PKHD1: variants seen among roughly 807,000 people sequenced by gnomAD.
PKHD1 encodes the protein PKHD1 ciliary IPT domain containing fibrocystin/polyductin.
A neutral mutation model predicts 412.0 loss-of-function variants in PKHD1; 291 were observed. That is an observed-to-expected ratio of 0.71 (90% CI 0.64 to 0.78). The LOEUF (loss-of-function observed/expected upper bound fraction) is 0.78. Among genes scored for constraint, PKHD1 ranks in the 30% least tolerant of loss-of-function variants. The pLI, the probability that PKHD1 is intolerant of heterozygous loss-of-function variation, is 0.00. For synonymous variants in PKHD1, 1,777 were observed against 1,821.5 expected (o/e 0.98, Z 0.62); for missense variants, 4,825 against 4,950.7 (o/e 0.97, Z 0.76).
At position 51,827,463 on chromosome 6, in the gene PKHD1, G is replaced by A. The variant is rs192620231; in HGVS notation, c.8302+3398C>T. 5.9e-4 allele frequency among the ~76,000 whole-genome samples: 89 copies of A among 152,124 alleles called. 1 individual carries two copies. Among genetic ancestry groups the A allele is most frequent in the African/African-American group, 2.0e-3 (83 of 41,512 alleles). On this transcript the variant is annotated intron_variant, in intron 52 of 66. Transcript: ENST00000371117. ...TTTACAGCTTGTCCAATGTCACACCGTTGTAAATGTCAGAAGCCAAATGTG... is the reference window on the plus strand; with the variant it reads ...TTTACAGCTTGTCCAATGTCACACCATTGTAAATGTCAGAAGCCAAATGTG...
In PKHD1 at chr6:52,050,210, AC is replaced by A; in HGVS notation, c.2225del (p.Ser742MetfsTer35). The part of the protein sequence containing the change: ...VSVVGSPPVY[S>X]VTSWLAGCGT... ...CACACCCCGCCAGCCAGGAGGTGAC[AC>A]TGTAGACCGGAGGGGATCCCACCAC... On this transcript the variant is annotated frameshift_variant, in exon 22 of 67. Transcript: ENST00000371117. LOFTEE classifies it high-confidence loss of function. 6.2e-7 allele frequency: 1 copy of A among 1,614,194 alleles called. No individual in the cohort carries two copies. Among genetic ancestry groups the A allele is most frequent in the Non-Finnish European group, 8.5e-7 (1 of 1,180,004 alleles).
chr6:52,065,133 T>TTATATATATATA (rs369093047), intron 12 of PKHD1, 83 bp from the exon 13 acceptor site: 17 of 132,294 alleles, frequency 1.3e-4, no homozygotes, highest in Non-Finnish European at 2.3e-4. Context: ...ATATGTATAA[T>TTATATATATATA]TATATATATA....
chr6:51,760,668 T>C (rs1787850131), intron 55 of PKHD1, among the ~76,000 whole-genome samples: 1 of 152,084 alleles, frequency 6.6e-6, no homozygotes, highest in South Asian at 2.1e-4. Flanking sequence ...AATGAGAATG[T>C]AGCAGATAGG....
At chr6:51,953,411 A>G (rs1790655949) in intron 36 of PKHD1, among the ~76,000 whole-genome samples, 1 of 152,070 alleles carries the variant, frequency 6.6e-6, no homozygotes, top group South Asian at 2.1e-4. Context: ...CAGAGGGTAA[A>G]ATGCCAAGTG....
intron 54 of PKHD1, among the ~76,000 whole-genome samples, chr6:51,774,785 C>CCTTGCT (rs1444252309): frequency 2.0e-5 from 3 of 151,664 alleles, no homozygotes. Flanking sequence ...AAATGATGGT[C>CCTTGCT]CTTGCTCTTT....
chr6:52,032,668 A>G (rs1803239128), intron 29 of PKHD1, among the ~76,000 whole-genome samples: 2 of 152,202 alleles, frequency 1.3e-5, no homozygotes, highest in South Asian at 4.1e-4. Flanking sequence ...CTGATCTGTA[A>G]ATTGAAGCTA....
chr6:51,743,917 G>A (rs529528757), intron 60 of PKHD1, among the ~76,000 whole-genome samples: 1 of 152,174 alleles, frequency 6.6e-6, no homozygotes, highest in African/African-American at 2.4e-5. Context: ...GCCTTGTTTG[G>A]GGGAGAGTTG....
chr6:51,989,897 G>GAAGGAAGGA (rs1296315116), intron 35 of PKHD1, among the ~76,000 whole-genome samples: 1 of 9,440 alleles, frequency 1.1e-4, no homozygotes, highest in Non-Finnish European at 2.2e-4. Context: ...AGGAAGGAAG[G>GAAGGAAGGA]AGGGAGGAAG....
chr6:52,056,740 G>T lies in PKHD1; in HGVS notation c.1651C>A (p.Pro551Thr), dbSNP rs889154402. ...CGGAGAAGGATGTTAGACCAAAGGG[G>T]TTCCAGTTTGCATTTTACTGCAAGT... ...ELLAVKCKLEPLWSNILLRLG... is the reference protein window; with the variant it reads ...ELLAVKCKLETLWSNILLRLG... The change falls in exon 18 of 67, where the codon CCC becomes ACC. Residue 551 changes from proline to threonine, a missense_variant. Pro to Thr is a conservative substitution (Grantham distance 38, BLOSUM62 -1). Transcript: ENST00000371117. 2 of 1,613,746 alleles carry T rather than the reference G, an allele frequency of 1.2e-6. No individual in the cohort carries two copies. The highest frequency in any genetic ancestry group is 1.3e-5 in the African/African-American group (1 of 74,908).
At chr6:51,688,756 T>C (rs1372797276) in intron 60 of PKHD1, among the ~76,000 whole-genome samples, 2 of 151,970 alleles carry the variant, frequency 1.3e-5, no homozygotes, top group African/African-American at 2.4e-5. Flanking sequence ...CTAGAAGAAA[T>C]GGATAAATTC....
rs1376701297 is a variant in PKHD1 at position 51,618,745 on chromosome 6, T to A, written c.*336A>T. On this transcript the variant is annotated 3_prime_UTR_variant, in exon 67 of 67. Coordinates refer to ENST00000371117, the MANE Select transcript of PKHD1 (RefSeq NM_138694.4). ...CATTGTGGGTGGTCAATCCAGAGAA[T>A]GCTTAATAATAACCCCTGCTGGTAT... is the stretch of plus-strand genomic sequence containing the variant. The A allele has an allele frequency of 5.4e-6, 2 of 369,872 alleles. No homozygotes were observed. The highest frequency in any genetic ancestry group is 1.4e-4 in the East Asian group (2 of 14,280). 22.9% of individuals were successfully genotyped at this position (369,872 alleles called of 1,614,324 possible).
chr6:51,669,313 T>G (rs943134044), intron 60 of PKHD1, among the ~76,000 whole-genome samples: 2 of 152,226 alleles, frequency 1.3e-5, no homozygotes, highest in South Asian at 2.1e-4. Context: ...ATTTCTTCTG[T>G]ATTTTCTAGT....
chr6:51,983,184 A>G (rs1795788088), intron 35 of PKHD1, among the ~76,000 whole-genome samples: 1 of 152,254 alleles, frequency 6.6e-6, no homozygotes, highest in Admixed American at 6.5e-5. Context: ...GCACAAGTAA[A>G]TTGAGACTAG....
At chr6:52,017,995 A>G (rs1800809823) in intron 33 of PKHD1, among the ~76,000 whole-genome samples, 1 of 152,208 alleles carries the variant, frequency 6.6e-6, no homozygotes, top group South Asian at 2.1e-4. Context: ...TTGTATTCCT[A>G]AACAAGAGAT....
At chr6:52,070,696 T>C (rs1338208665) in intron 9 of PKHD1, among the ~76,000 whole-genome samples, 3 of 152,182 alleles carry the variant, frequency 2.0e-5, no homozygotes, top group Admixed American at 1.3e-4. Context: ...CAGTATTGCA[T>C]AGCAGGGAAG....
chr6:51,911,898 T>TG lies in PKHD1; in HGVS notation c.6390dup (p.Thr2131HisfsTer17). 1 of 1,611,730 alleles carries TG rather than the reference T, an allele frequency of 6.2e-7. No homozygotes were observed. Among genetic ancestry groups the TG allele is most frequent in the Non-Finnish European group, 8.5e-7 (1 of 1,178,166 alleles). ...ATACTCCTGCTGAGCAGAGCCACAG[T>TG]GGCCTTTAAAATATGGTGCTCTCCA... On this transcript the variant is annotated frameshift_variant, in exon 39 of 67. Transcript: ENST00000371117. LOFTEE classifies it high-confidence loss of function.
chr6:51,955,216 G>C (rs990585191), intron 36 of PKHD1, among the ~76,000 whole-genome samples: 4 of 151,806 alleles, frequency 2.6e-5, no homozygotes, highest in Non-Finnish European at 2.9e-5. Flanking sequence ...TTAAAAAAGG[G>C]AGGGAGGGCA....
intron 66 of PKHD1, among the ~76,000 whole-genome samples, chr6:51,623,218 G>A: frequency 6.6e-6 from 1 of 152,074 alleles, no homozygotes; most frequent in Middle Eastern, 3.4e-3. Flanking sequence ...AAAAACTGAG[G>A]CATTTGCAAT....
intron 52 of PKHD1, among the ~76,000 whole-genome samples, chr6:51,826,426 C>G (rs536159216): frequency 5.3e-5 from 8 of 152,266 alleles, no homozygotes; most frequent in African/African-American, 1.7e-4. Flanking sequence ...TTGCACCCTT[C>G]AAAACAGAAT....
Sources: allele counts gnomAD v4.1 joint callset (sites outside exome capture counted in the v4.1 genomes callset), GRCh38; gene constraint gnomAD v4.1.1; transcripts MANE v1.5; gene names NCBI Gene and HGNC (gene_info 2026-07-23, HGNC 2026-07-21).